CEP63: variants seen among roughly 807,000 people sequenced by gnomAD.
CEP63 encodes the protein centrosomal protein 63, also known as centrosomal protein of 63 kDa.
In CEP63, 84 loss-of-function variants were observed where a neutral mutation model predicts 89.1. The observed-to-expected ratio is 0.94, with a 90% CI of 0.79 to 1.13. The LOEUF (loss-of-function observed/expected upper bound fraction) is 1.13, where lower values mean the gene tolerates loss of function less well. Among genes scored for constraint, CEP63 ranks in the 50% most tolerant of loss-of-function variants. CEP63 has a pLI of 0.00. For missense variants in CEP63, 838 were observed against 813.3 expected (o/e 1.03, Z -0.37); for synonymous variants, 267 against 272.5 (o/e 0.98, Z 0.20).
the CEP63 span, among the ~76,000 whole-genome samples, chr3:134,770,915 T>C: frequency 6.6e-6 from 1 of 152,360 alleles, no homozygotes; most frequent in South Asian, 2.1e-4. Context: ...CTTGTGTTGA[T>C]GCTAATTTGG....
intron 3 of CEP63, chr3:134,510,432 AC>A (rs1944572147): frequency 3.8e-6 from 1 of 260,482 alleles, no homozygotes; most frequent in Admixed American, 5.7e-5. Flanking sequence ...TATGGAGAGA[AC>A]CGGAGTTCAC....
the CEP63 span, among the ~76,000 whole-genome samples, chr3:134,698,533 A>G: frequency 0.059 from 8,924 of 152,320 alleles, 465 homozygotes; most frequent in South Asian, 0.29. Flanking sequence ...ATGACCTGCC[A>G]AGAATGCAGT....
chr3:134,547,629 T>TTTTTTTTTTTTTTTTTTTTA (rs1953800413), intron 9 of CEP63, among the ~76,000 whole-genome samples, 157 bp downstream of exon 9: 2 of 127,100 alleles, frequency 1.6e-5, no homozygotes, highest in Non-Finnish European at 1.7e-5. Flanking sequence ...TTTTTTTTTT[T>TTTTTTTTTTTTTTTTTTTTA]GAGACGGAGT....
the CEP63 span, among the ~76,000 whole-genome samples, chr3:134,739,378 A>G: frequency 2.0e-5 from 3 of 152,206 alleles, no homozygotes; most frequent in African/African-American, 7.2e-5. Context: ...GTTATTTTAA[A>G]TTGAAGATAT....
the CEP63 span, among the ~76,000 whole-genome samples, chr3:134,726,481 C>A: frequency 3.5e-5 from 5 of 143,046 alleles, no homozygotes; most frequent in Non-Finnish European, 6.2e-5. Context: ...CACACACACA[C>A]ACACACACAC....
the CEP63 span, among the ~76,000 whole-genome samples, chr3:134,684,242 G>A: frequency 6.6e-6 from 1 of 152,176 alleles, no homozygotes; most frequent in South Asian, 2.1e-4. Flanking sequence ...GCTGTTCTGG[G>A]CTGAGTGTAT....
At chr3:134,529,085 G>T (rs1207724469) in intron 3 of CEP63, among the ~76,000 whole-genome samples, 2 of 152,164 alleles carry the variant, frequency 1.3e-5, no homozygotes, top group African/African-American at 4.8e-5. Flanking sequence ...AACATTTGGT[G>T]TATTTCCTTT....
intron 1 of CEP63, among the ~76,000 whole-genome samples, chr3:134,489,372 G>T (rs1484463523): frequency 6.6e-6 from 1 of 152,140 alleles, no homozygotes; most frequent in East Asian, 1.9e-4. Context: ...TGGTGGGATA[G>T]TTGGGGGGGT....
chr3:134,774,709 G>A, the CEP63 span, among the ~76,000 whole-genome samples: 4 of 152,194 alleles, frequency 2.6e-5, no homozygotes, highest in Non-Finnish European at 5.9e-5. Context: ...AAGCCCATTT[G>A]GGTCAGTATG....
the CEP63 span, among the ~76,000 whole-genome samples, chr3:134,765,507 G>T: frequency 6.6e-6 from 1 of 152,232 alleles, no homozygotes. Flanking sequence ...GGCATGTAGG[G>T]TCTCCTGGAG....
chr3:134,703,441 A>G, the CEP63 span, among the ~76,000 whole-genome samples: 1 of 152,342 alleles, frequency 6.6e-6, no homozygotes, highest in East Asian at 1.9e-4. Flanking sequence ...GATATCACAC[A>G]GCTGCAAAAA....
the CEP63 span, among the ~76,000 whole-genome samples, chr3:134,666,841 C>A: frequency 1.3e-5 from 2 of 152,220 alleles, no homozygotes; most frequent in Admixed American, 1.3e-4. Flanking sequence ...ATTGATGCCA[C>A]CTTAGGGATG....
chr3:134,522,915 A>G (rs1577028373), intron 3 of CEP63, among the ~76,000 whole-genome samples: 1 of 152,218 alleles, frequency 6.6e-6, no homozygotes, highest in South Asian at 2.1e-4. Flanking sequence ...TTGGGTATAT[A>G]CCTAGTAATG....
chr3:134,496,113 A>G (rs1341805866), intron 2 of CEP63, among the ~76,000 whole-genome samples: 2 of 152,174 alleles, frequency 1.3e-5, no homozygotes, highest in Admixed American at 6.5e-5. Context: ...TCTGAATCAT[A>G]TGTGTTGTGA....
At chr3:134,591,364 T>C (rs1958592202), downstream of CEP63, among the ~76,000 whole-genome samples, 1 of 152,240 alleles carries the variant, frequency 6.6e-6, no homozygotes, top group Non-Finnish European at 1.5e-5. Context: ...TTTCATTCAC[T>C]GCTCTGTGAG....
At chr3:134,612,811 GAGA>G in the CEP63 span, 3 of 144,712 alleles carry the variant, frequency 2.1e-5, no homozygotes, top group African/African-American at 7.6e-5. Context: ...TGCATGCACA[GAGA>G]AGGAGGGGCA....
the CEP63 span, among the ~76,000 whole-genome samples, chr3:134,637,865 T>G: frequency 2.6e-5 from 4 of 152,226 alleles, no homozygotes; most frequent in African/African-American, 9.7e-5. Context: ...TTAAAGCCCC[T>G]CCAGGGCAGG....
chr3:134,532,934 T>G (rs906900176), intron 5 of CEP63, 34 bp downstream of exon 5: 1 of 1,610,678 alleles, frequency 6.2e-7, no homozygotes. Flanking sequence ...TCATAGTGAT[T>G]GTCAGCCTTC....
At chr3:134,496,037 G>A (rs1240191066) in intron 2 of CEP63, among the ~76,000 whole-genome samples, 1 of 152,110 alleles carries the variant, frequency 6.6e-6, no homozygotes, top group African/African-American at 2.4e-5. Context: ...ATAAACATGG[G>A]GGTACAAGTA....
Sources: gnomAD v4.1 joint callset for allele counts (sites outside exome capture counted in the v4.1 genomes callset) on GRCh38, gnomAD v4.1.1 for gene constraint, MANE v1.5 for transcripts, NCBI Gene and HGNC (gene_info 2026-07-23, HGNC 2026-07-21) for gene names.